Variants in STOX2 observed in about 807,000 individuals in gnomAD.
The protein encoded by STOX2 is storkhead-box protein 2.
STOX2 carries 28 observed loss-of-function variants against 60.9 expected under a neutral mutation model. The observed-to-expected ratio is 0.46, with a 90% confidence interval of 0.34 to 0.63. STOX2 has a LOEUF of 0.63. STOX2 is among the 30% of genes least tolerant of loss of function. The pLI is 0.01. For missense variants in STOX2, 1,024 were observed against 1,187.7 expected (o/e 0.86, Z 2.03); for synonymous variants, 472 against 463.9 (o/e 1.02, Z -0.22).
In STOX2 at chr4:184,009,023, C is replaced by A. The variant is rs28445110; in HGVS notation, c.320-135C>A. On this transcript the variant is annotated intron_variant, in intron 2 of 3. Coordinates refer to ENST00000308497, the MANE Select transcript of STOX2 (RefSeq NM_020225.3). This position sits in a 1 kb window ranked among gnomAD's most constrained non-coding sequence, Gnocchi z 4.0. Reference sequence around the variant, plus strand: ...GAGGATTTGCACTGAACTTAATGAACACCTTTGTCTGAATTGTGCATCCTA... The same window carrying A: ...GAGGATTTGCACTGAACTTAATGAAAACCTTTGTCTGAATTGTGCATCCTA... 2 of 678,004 alleles carry A rather than the reference C, an allele frequency of 2.9e-6. No homozygotes were observed. The highest frequency in any genetic ancestry group is 5.5e-5 in the East Asian group (2 of 36,140). The allele number at this position is 678,004 out of a possible 1,614,324, so 42.0% of individuals were successfully genotyped here.
upstream of STOX2, among the ~76,000 whole-genome samples, chr4:183,902,928 G>A (rs1439221862): frequency 1.3e-5 from 2 of 152,152 alleles, no homozygotes; most frequent in East Asian, 3.8e-4. Flanking sequence ...GCATTTGGAG[G>A]TGGCTGAGTG....
intron 1 of STOX2, among the ~76,000 whole-genome samples, chr4:183,996,713 A>G (rs1733361682): frequency 6.6e-6 from 1 of 152,124 alleles, no homozygotes; most frequent in South Asian, 2.1e-4. Context: ...TTCACTTAAT[A>G]TATAATTATT....
chr4:183,920,386 G>T (rs1340230068), intron 1 of STOX2, among the ~76,000 whole-genome samples: 1 of 152,190 alleles, frequency 6.6e-6, no homozygotes, highest in Non-Finnish European at 1.5e-5. Flanking sequence ...GGGATTACAG[G>T]TGTGAGTCAC....
chr4:183,843,288 C>T (rs1739911777), intron 1 of STOX2, among the ~76,000 whole-genome samples: 1 of 152,138 alleles, frequency 6.6e-6, no homozygotes, highest in Non-Finnish European at 1.5e-5. Flanking sequence ...ACCTTGGCCA[C>T]ACAGTTCACA....
intron 1 of STOX2, among the ~76,000 whole-genome samples, chr4:183,916,800 C>T (rs10029874): frequency 0.24 from 36,703 of 152,070 alleles, 4,746 homozygotes; most frequent in East Asian, 0.51. Flanking sequence ...GCAACCGTGT[C>T]GTCTTCCTAC....
intron 1 of STOX2, among the ~76,000 whole-genome samples, chr4:183,977,284 G>T (rs982005187): frequency 2.6e-5 from 4 of 152,078 alleles, no homozygotes; most frequent in African/African-American, 9.7e-5. Flanking sequence ...AACTTTTTGA[G>T]ACTGGCTTCT....
rs1480658388 is a variant in STOX2 at position 184,019,488 on chromosome 4, C to G, written c.*2204C>G. On this transcript the variant is annotated 3_prime_UTR_variant, in exon 4 of 4. Coordinates refer to ENST00000308497, the MANE Select transcript of STOX2 (RefSeq NM_020225.3). ...AACCATTGAAACAACACATCAGCCT[C>G]TAGCTGATCCTCTGAAAGTAGCCAT... 1.3e-5 allele frequency: 2 copies of G among 152,214 alleles called. No homozygotes were observed. Among genetic ancestry groups the G allele is most frequent in the African/African-American group, 4.8e-5 (2 of 41,454 alleles). 9.4% of individuals were successfully genotyped at this position (152,214 alleles called of 1,614,324 possible). A position where few individuals can be genotyped will look rare whatever the true frequency, so the allele number is the denominator to read the frequency against.
intron 1 of STOX2, among the ~76,000 whole-genome samples, chr4:183,966,023 T>C (rs1246781148): frequency 1.4e-5 from 2 of 144,984 alleles, no homozygotes; most frequent in African/African-American, 5.1e-5. Flanking sequence ...GCACTGGGGG[T>C]ATCTAGGTGG....
chr4:183,977,565 A>T (rs866712852), intron 1 of STOX2, among the ~76,000 whole-genome samples: 1 of 43,856 alleles, frequency 2.3e-5, no homozygotes, highest in Non-Finnish European at 5.1e-5. Context: ...GTGTGTGTGT[A>T]TCACATTTTT....
Position 183,896,335 on chromosome 4 carries a change from G to A in STOX2, c.364+98280G>A, listed in dbSNP as rs913012883. On this transcript the variant is annotated intron_variant, in intron 1 of 2. Coordinates refer to the STOX2 transcript ENST00000513034. Reference sequence around the variant, plus strand: ...AGGCCATTCTCCGTGGCTCCGTGTCGTCTTTTCCTTGTTTATCTTTTTATA... The same window carrying A: ...AGGCCATTCTCCGTGGCTCCGTGTCATCTTTTCCTTGTTTATCTTTTTATA... Among the ~76,000 whole-genome samples the A allele has an allele frequency of 1.1e-4, 16 of 152,118 alleles. No individual in the cohort carries two copies. The South Asian group carries it at 1.5e-3, about 14-fold the overall frequency.
intron 3 of STOX2, among the ~76,000 whole-genome samples, chr4:184,012,133 C>T (rs1179694652): frequency 6.6e-6 from 1 of 152,244 alleles, no homozygotes; most frequent in African/African-American, 2.4e-5. Flanking sequence ...GGTGTTAGTT[C>T]AGCAAAGGGT....
intron 1 of STOX2, among the ~76,000 whole-genome samples, chr4:183,910,156 T>C (rs1579403743): frequency 6.6e-6 from 1 of 152,194 alleles, no homozygotes; most frequent in African/African-American, 2.4e-5. Flanking sequence ...GGGAAGATCT[T>C]GCCTTTTGTT....
In STOX2 at chr4:183,877,356, A is replaced by G. The variant is rs189348442; in HGVS notation, c.364+79301A>G. Among the ~76,000 whole-genome samples, 288 of 152,316 alleles carry G rather than the reference A, an allele frequency of 1.9e-3. 2 individuals carry two copies. Among genetic ancestry groups the G allele is most frequent in the Non-Finnish European group, 3.5e-3 (238 of 68,034 alleles). On this transcript the variant is annotated intron_variant, in intron 1 of 2. Coordinates refer to the STOX2 transcript ENST00000513034. ...GGATCTGCATTTTAACCAGATCCCA[A>G]ACATTTCCAGAAAGATGATGCTAAA...
intron 1 of STOX2, among the ~76,000 whole-genome samples, chr4:183,970,426 G>A (rs1645947851): frequency 6.6e-6 from 1 of 152,062 alleles, no homozygotes; most frequent in Non-Finnish European, 1.5e-5. Context: ...TCCTCAGGGA[G>A]TCCCACTATG....
Position 184,011,333 on chromosome 4 carries a change from G to T in STOX2, c.2495G>T (p.Ser832Ile), listed in dbSNP as rs1033654395. The T allele has an allele frequency of 5.0e-6, 8 of 1,614,008 alleles. No individual in the cohort carries two copies. Among genetic ancestry groups the T allele is most frequent in the Middle Eastern group, 1.6e-4 (1 of 6,062 alleles). The change falls in exon 3 of 4, where the codon AGC (serine) becomes ATC (isoleucine). Residue 832 changes from serine to isoleucine, a missense_variant. Physicochemically the swap from Ser to Ile is moderately radical, Grantham distance 142. Transcript: ENST00000308497. The surrounding 1 kb of genome is among the most constrained non-coding windows in gnomAD (Gnocchi z 4.4). ...CTTCTTGCTCCAAAAGAAACCGACA[G>T]CAGCAGCAACCAGAGAGCCACCCAT... ...LTLLAPKETDSSSNQRATHSA... is the reference protein window; with the variant it reads ...LTLLAPKETDISSNQRATHSA...
chr4:183,948,024 C>T (rs192316436), intron 1 of STOX2, among the ~76,000 whole-genome samples: 7 of 152,032 alleles, frequency 4.6e-5, no homozygotes, highest in African/African-American at 1.4e-4. Flanking sequence ...CAAGACCAGC[C>T]TGGCCAACAT....
intron 1 of STOX2, among the ~76,000 whole-genome samples, chr4:183,869,773 A>T (rs1165155412): frequency 2.6e-5 from 4 of 152,252 alleles, no homozygotes; most frequent in African/African-American, 9.6e-5. Flanking sequence ...AAAGCTATGT[A>T]CGAGACCATT....
At position 184,011,208 on chromosome 4, in the gene STOX2, A is replaced by C. The variant is rs1434023837; in HGVS notation, c.2370A>C (p.Thr790=). The change falls in exon 3 of 4, where the codon ACA becomes ACC. Residue 790 remains threonine (T), a synonymous_variant. Coordinates refer to ENST00000308497, the MANE Select transcript of STOX2 (RefSeq NM_020225.3). The surrounding 1 kb of genome is among the most constrained non-coding windows in gnomAD (Gnocchi z 4.4). ...CTGAGGAAGGGGCAAACAAGAACAC[A>C]GAGGAGGAGAAAAATAGAGAGGACG... is the stretch of plus-strand genomic sequence containing the variant. ...DDSEEGANKN[T]EEEKNREDVG... The C allele has an allele frequency of 6.2e-7, 1 of 1,606,404 alleles. No individual in the cohort carries two copies. Among genetic ancestry groups the C allele is most frequent in the Non-Finnish European group, 8.5e-7 (1 of 1,176,982 alleles).
At chr4:183,931,435 C>G (rs1447551895) in intron 1 of STOX2, among the ~76,000 whole-genome samples, 1 of 151,982 alleles carries the variant, frequency 6.6e-6, no homozygotes, top group Non-Finnish European at 1.5e-5. Context: ...CAGCCTCCCC[C>G]CACCAAAAAA....
Sources: allele counts gnomAD v4.1 joint callset (sites outside exome capture counted in the v4.1 genomes callset), GRCh38; gene constraint gnomAD v4.1.1; non-coding constraint Gnocchi (gnomAD v3.1); transcripts MANE v1.5; gene names NCBI Gene and HGNC (gene_info 2026-07-23, HGNC 2026-07-21).